The following DAP3 variants were observed in gnomAD, a reference collection of about 807,000 sequenced individuals.
DAP3 encodes small ribosomal subunit protein mS29.
A neutral mutation model predicts 51.9 loss-of-function variants in DAP3; 28 were observed. The observed-to-expected ratio is 0.54, with a 90% CI of 0.40 to 0.74. The LOEUF (loss-of-function observed/expected upper bound fraction) is 0.74. Ranked by LOEUF, DAP3 falls within the 30% of genes least tolerant of loss-of-function variation. The probability of loss-of-function intolerance (pLI) is 0.00; values close to 1 mark genes in which losing one functional copy is unlikely to be tolerated. For missense variants in DAP3, 458 were observed against 483.5 expected (o/e 0.95, Z 0.49); for synonymous variants, 170 against 170.3 (o/e 1.00, Z 0.01).
At chr1:155,721,423 T>C (rs1378499444) in intron 3 of DAP3, 94 bp from the exon 4 acceptor site, 4 of 746,036 alleles carry the variant, frequency 5.4e-6, no homozygotes, top group Non-Finnish European at 8.8e-6. Context: ...TATATACACA[T>C]AGACATACAT....
upstream of DAP3, chr1:155,688,555 G>C: frequency 1.9e-6 from 3 of 1,538,772 alleles, no homozygotes; most frequent in African/African-American, 1.4e-5. Flanking sequence ...CGTCCTGCGA[G>C]CCAGCCATCC....
chr1:155,716,210 T>G (rs1657313652), intron 2 of DAP3, among the ~76,000 whole-genome samples: 1 of 152,216 alleles, frequency 6.6e-6, no homozygotes, highest in Non-Finnish European at 1.5e-5. Context: ...ATACAGAATA[T>G]GAATAATGTC....
intron 1 of DAP3, among the ~76,000 whole-genome samples, chr1:155,705,887 G>C (rs568119116): frequency 6.6e-6 from 1 of 152,014 alleles, no homozygotes; most frequent in East Asian, 1.9e-4. Context: ...TTTTAGTAGA[G>C]ATAGGGTTTC....
chr1:155,723,663 G>A (rs1313356696), intron 4 of DAP3, among the ~76,000 whole-genome samples: 1 of 152,054 alleles, frequency 6.6e-6, no homozygotes, highest in Non-Finnish European at 1.5e-5. Context: ...ATGTTTTTTT[G>A]AACATTGAGC....
chr1:155,728,546 A>C (rs1658849992), intron 7 of DAP3, among the ~76,000 whole-genome samples: 1 of 152,030 alleles, frequency 6.6e-6, no homozygotes, highest in African/African-American at 2.4e-5. Context: ...TGGGTAACAG[A>C]GCGAGATATG....
At chr1:155,707,185 G>A (rs563767654) in intron 1 of DAP3, among the ~76,000 whole-genome samples, 10 of 152,064 alleles carry the variant, frequency 6.6e-5, no homozygotes, top group Non-Finnish European at 1.3e-4. Flanking sequence ...AGGCTGAGGC[G>A]GGAGGATCAC....
rs61332895 is a variant in DAP3, at chr1:155,718,705, A to AAGATAGATAGAT, written c.168+1611_168+1622dup. Among the ~76,000 whole-genome samples, 863 of 140,930 alleles carry AAGATAGATAGAT rather than the reference A, an allele frequency of 6.1e-3. 4 individuals are homozygous for AAGATAGATAGAT. The highest frequency in any genetic ancestry group is 8.3e-3 in the East Asian group (40 of 4,826). 92.5% of individuals were successfully genotyped at this position (140,930 alleles called of 152,430 possible). A position where few individuals can be genotyped will look rare whatever the true frequency, so the allele number is the denominator to read the frequency against. Reference sequence around the variant, plus strand: ...TGTCTCAAAAAAAAAAAAAGAAAGAAAGATAGATAGATAGATAGATAGATA... The same window carrying AAGATAGATAGAT: ...TGTCTCAAAAAAAAAAAAAGAAAGAAAGATAGATAGATAGATAGATAGATAGATAGATAGATA... On this transcript the variant is annotated intron_variant, in intron 3 of 12. Coordinates refer to ENST00000368336, the MANE Select transcript of DAP3 (RefSeq NM_004632.4).
chr1:155,737,348 T>A (rs1296660184), intron 12 of DAP3, among the ~76,000 whole-genome samples: 1 of 152,178 alleles, frequency 6.6e-6, no homozygotes, highest in Non-Finnish European at 1.5e-5. Flanking sequence ...CCTGCCACAT[T>A]CTCCTTATTG....
intron 11 of DAP3, chr1:155,736,664 A>T (rs1197339161): frequency 2.6e-6 from 1 of 380,026 alleles, no homozygotes. Flanking sequence ...CAATATGCCC[A>T]TCTCAGCCTC....
Position 155,705,618 on chromosome 1 carries a change from G to GA in DAP3, c.-7-4145dup, listed in dbSNP as rs939719411. 3.6e-3 allele frequency among the ~76,000 whole-genome samples: 496 copies of GA among 136,386 alleles called. 1 individual carries two copies. Among genetic ancestry groups the GA allele is most frequent in the African/African-American group, 5.5e-3 (205 of 37,256 alleles). 89.5% of individuals were successfully genotyped at this position (136,386 alleles called of 152,430 possible). On this transcript the variant is annotated intron_variant, in intron 1 of 12. Transcript: ENST00000368336. ...ACCCTGTCTCAAAAAAAAAAAGAAAGAAAAAAAAAACAGAAAGGAAATAAA... is the reference window on the plus strand; with the variant it reads ...ACCCTGTCTCAAAAAAAAAAAGAAAGAAAAAAAAAAACAGAAAGGAAATAAA...
intron 9 of DAP3, among the ~76,000 whole-genome samples, chr1:155,730,205 T>TATATGTATATATAATATTCATATATGTAC (rs1659083227): frequency 6.7e-6 from 1 of 148,388 alleles, no homozygotes; most frequent in African/African-American, 2.4e-5. Flanking sequence ...CATATATGTA[T>TATATGTATATATAATATTCATATATGTAC]ATATGTATAT....
chr1:155,712,530 T>G (rs1656835690), intron 2 of DAP3, among the ~76,000 whole-genome samples: 1 of 144,322 alleles, frequency 6.9e-6, no homozygotes, highest in Admixed American at 7.4e-5. Flanking sequence ...CAGAATCGCT[T>G]GAACCTGGGA....
intron 1 of DAP3, among the ~76,000 whole-genome samples, chr1:155,697,603 A>G (rs1654703286): frequency 1.3e-5 from 2 of 152,174 alleles, no homozygotes; most frequent in African/African-American, 4.8e-5. Context: ...TGGGTCACAG[A>G]GGTCACATGC....
chr1:155,708,183 G>A lies in DAP3; in HGVS notation c.-7-1590G>A, dbSNP rs200302341. ...CTGCCTCTGCCTCCCGAGTAGCTGGGATTACCGGTGTGTACCACCACGCCC... is the reference window on the plus strand; with the variant it reads ...CTGCCTCTGCCTCCCGAGTAGCTGGAATTACCGGTGTGTACCACCACGCCC... On this transcript the variant is annotated intron_variant, in intron 1 of 12. Coordinates refer to ENST00000368336, the MANE Select transcript of DAP3 (RefSeq NM_004632.4). Among the ~76,000 whole-genome samples, 3 of 152,256 alleles carry A rather than the reference G, an allele frequency of 2.0e-5. No individual in the cohort carries two copies. In the East Asian group the frequency reaches 5.8e-4, roughly 29 times the overall value.
intron 1 of DAP3, among the ~76,000 whole-genome samples, chr1:155,700,187 G>A (rs1390320397): frequency 6.6e-6 from 1 of 151,768 alleles, no homozygotes; most frequent in Non-Finnish European, 1.5e-5. Flanking sequence ...TGCCCGCCTT[G>A]GCCTCCCAAA....
At chr1:155,699,370 T>C (rs1287496527) in intron 1 of DAP3, among the ~76,000 whole-genome samples, 2 of 152,124 alleles carry the variant, frequency 1.3e-5, no homozygotes, top group Non-Finnish European at 2.9e-5. Flanking sequence ...ACAGTGTTTA[T>C]AGATAAGAGA....
Position 155,697,024 on chromosome 1 carries a change from T to A in DAP3, c.-8+7850T>A, listed in dbSNP as rs946344767. Among the ~76,000 whole-genome samples the A allele has an allele frequency of 3.3e-4, 50 of 152,348 alleles. 1 individual carries two copies. Among genetic ancestry groups the A allele is most frequent in the South Asian group, 6.2e-4 (3 of 4,832 alleles). On this transcript the variant is annotated intron_variant, in intron 1 of 12. Coordinates refer to ENST00000368336, the MANE Select transcript of DAP3 (RefSeq NM_004632.4). ...CATGCACCATCTACCATACTTTTTTTAAAATTACATATACTGGGGAATTCC... is the reference window on the plus strand; with the variant it reads ...CATGCACCATCTACCATACTTTTTTAAAAATTACATATACTGGGGAATTCC...
chr1:155,724,450 A>G (rs1471203061), intron 4 of DAP3, among the ~76,000 whole-genome samples: 1 of 151,720 alleles, frequency 6.6e-6, no homozygotes, highest in Non-Finnish European at 1.5e-5. Context: ...CCTGACCAAC[A>G]TGGTGAAAGC....
rs757038621 is a variant in DAP3, at chr1:155,717,092, T to A, written c.132T>A (p.Ser44Arg). The A allele has an allele frequency of 3.1e-6, 5 of 1,613,892 alleles. No individual in the cohort carries two copies. In the South Asian group the frequency reaches 5.5e-5, roughly 18 times the overall value. ...TAGATAACCAGGTTCCAGTTGAGAG[T>A]CCGAGAGCTATTTCCCGCACCAATG... ...AHLDNQVPVE[S>R]PRAISRTNEN... Residue 44 changes from serine (S) to arginine (R), a missense_variant, in exon 3 of 13, where the codon AGT becomes AGA. By Grantham distance (110) the Ser-to-Arg change is moderately radical. Coordinates refer to ENST00000368336, the MANE Select transcript of DAP3 (RefSeq NM_004632.4).
Sources: allele counts gnomAD v4.1 joint callset (sites outside exome capture counted in the v4.1 genomes callset), GRCh38; gene constraint gnomAD v4.1.1; transcripts MANE v1.5; gene names NCBI Gene and HGNC (gene_info 2026-07-23, HGNC 2026-07-21).